CACNA1B: variants seen among roughly 807,000 people sequenced by gnomAD.
CACNA1B encodes the protein calcium voltage-gated channel subunit alpha1 B, also known as voltage-dependent N-type calcium channel subunit alpha-1B.
A neutral mutation model predicts 247.2 loss-of-function variants in CACNA1B; 70 were observed. That is an observed-to-expected ratio of 0.28 (90% confidence interval 0.23 to 0.35). CACNA1B has a LOEUF of 0.35. Among genes scored for constraint, CACNA1B ranks in the 10% least tolerant of loss-of-function variants. CACNA1B has a pLI of 1.00. For missense variants in CACNA1B, 2,367 were observed against 3,197.4 expected (o/e 0.74, Z 6.26); for synonymous variants, 1,231 against 1,294.4 (o/e 0.95, Z 1.05).
intron 31 of CACNA1B, among the ~76,000 whole-genome samples, chr9:138,061,609 T>A (rs1959727189): frequency 6.6e-6 from 1 of 152,226 alleles, no homozygotes; most frequent in Non-Finnish European, 1.5e-5. Context: ...CGCGGTCACC[T>A]GGCTCACATG....
At chr9:138,074,991 A>G (rs573522025) in intron 34 of CACNA1B, among the ~76,000 whole-genome samples, 1 of 152,358 alleles carries the variant, frequency 6.6e-6, no homozygotes, top group African/African-American at 2.4e-5. Flanking sequence ...TAGAAAGAAC[A>G]CATTGTCAGC....
At chr9:138,039,211 TA>T (rs558845760) in intron 20 of CACNA1B, among the ~76,000 whole-genome samples, 1,582 of 142,534 alleles carry the variant, frequency 0.011, 8 homozygotes, top group South Asian at 0.014. Flanking sequence ...AAATAAAAAA[TA>T]AAAAAAAAAA....
chr9:138,116,970 T>A (rs1250964392), intron 42 of CACNA1B, among the ~76,000 whole-genome samples: 1 of 152,172 alleles, frequency 6.6e-6, no homozygotes, highest in South Asian at 2.1e-4. Flanking sequence ...CCTTCTGCCA[T>A]CTCTGCGTCC....
At chr9:138,111,539 A>G (rs1358080050) in intron 39 of CACNA1B, among the ~76,000 whole-genome samples, 1 of 151,852 alleles carries the variant, frequency 6.6e-6, no homozygotes, top group East Asian at 1.9e-4. Flanking sequence ...GGGAGTGATC[A>G]GCTGTTGCAC....
chr9:138,118,980 G>A (rs1961977127), intron 44 of CACNA1B, among the ~76,000 whole-genome samples: 1 of 152,122 alleles, frequency 6.6e-6, no homozygotes, highest in African/African-American at 2.4e-5. Context: ...CAGCCCCTGA[G>A]GCTTCTCCAG....
rs537430112 is a variant in CACNA1B at position 138,014,326 on chromosome 9, G to A, written c.2267+1091G>A. 3.9e-5 allele frequency among the ~76,000 whole-genome samples: 6 copies of A among 152,292 alleles called. No individual in the cohort carries two copies. Among genetic ancestry groups the A allele is most frequent in the African/African-American group, 1.2e-4 (5 of 41,578 alleles). On this transcript the variant is annotated intron_variant, in intron 18 of 46. Coordinates refer to ENST00000371372, the MANE Select transcript of CACNA1B (RefSeq NM_000718.4). This position sits in a 1 kb window ranked among gnomAD's most constrained non-coding sequence, Gnocchi z 6.2. ...CCTGATCCTGCCTGGAGGGCACCAG[G>A]AAGATGGTGTTTGCGGAGGGCCTGT... is the stretch of plus-strand genomic sequence containing the variant.
intron 26 of CACNA1B, among the ~76,000 whole-genome samples, chr9:138,056,837 G>A (rs1959517474): frequency 6.6e-6 from 1 of 151,832 alleles, no homozygotes; most frequent in South Asian, 2.1e-4. Context: ...CCCTGATGAT[G>A]AGTGGTGTTG....
In CACNA1B at chr9:138,072,244, G is replaced by A. The variant is rs550494998; in HGVS notation, c.4675-1244G>A. ...TCCCGCCTGAGAGCCAGTACCTCGAGTTGAATCCTCAGCCACCCTGCCCCT... is the reference window on the plus strand; with the variant it reads ...TCCCGCCTGAGAGCCAGTACCTCGAATTGAATCCTCAGCCACCCTGCCCCT... On this transcript the variant is annotated intron_variant, in intron 32 of 46. Coordinates refer to ENST00000371372, the MANE Select transcript of CACNA1B (RefSeq NM_000718.4). This position sits in a 1 kb window ranked among gnomAD's most constrained non-coding sequence, Gnocchi z 4.5. Among the ~76,000 whole-genome samples the A allele has an allele frequency of 9.2e-5, 14 of 152,326 alleles. No individual in the cohort carries two copies. The highest frequency in any genetic ancestry group is 3.1e-4 in the African/African-American group (13 of 41,576).
At chr9:138,043,629 G>C (rs933820536) in intron 20 of CACNA1B, 145 bp from the exon 21 acceptor site, 2 of 808,352 alleles carry the variant, frequency 2.5e-6, no homozygotes, top group African/African-American at 3.4e-5. Context: ...TGTACGTGAA[G>C]CACTGTTCTT....
In CACNA1B at chr9:138,118,689, G is replaced by T; in HGVS notation, c.5951G>T (p.Gly1984Val). 1.3e-6 allele frequency: 2 copies of T among 1,566,814 alleles called. No individual in the cohort carries two copies. The highest frequency in any genetic ancestry group is 2.3e-5 in the East Asian group (1 of 42,634). ...DVQMQSITRR[G>V]PDGEPQPGLE... ...CAGATGCAGAGCATAACCCGGAGGG[G>T]CCCTGATGGGGAGCCCCAGCCTGGG... The change falls in exon 44 of 47, where the codon GGC becomes GTC. Residue 1984 changes from glycine (G) to valine (V), a missense_variant. By Grantham distance (109) the Gly-to-Val change is moderately radical. Transcript: ENST00000371372.
At chr9:137,998,035 G>T (rs894289228) in intron 15 of CACNA1B, among the ~76,000 whole-genome samples, 2 of 152,128 alleles carry the variant, frequency 1.3e-5, no homozygotes, top group African/African-American at 4.8e-5. Flanking sequence ...TTTATGATAT[G>T]GATGTAGTAA....
chr9:137,934,915 A>C (rs1320140950), intron 6 of CACNA1B, among the ~76,000 whole-genome samples: 1 of 152,162 alleles, frequency 6.6e-6, no homozygotes, highest in Non-Finnish European at 1.5e-5. Context: ...ATGACAAAAC[A>C]AGGTTCCTTA....
At chr9:138,103,878 G>T (rs1167097290) in intron 38 of CACNA1B, among the ~76,000 whole-genome samples, 2 of 152,270 alleles carry the variant, frequency 1.3e-5, no homozygotes, top group East Asian at 3.8e-4. Flanking sequence ...ACCCGACTCA[G>T]TGCAGCCTGT....
chr9:137,878,741 G>C (rs1280953038), intron 1 of CACNA1B, among the ~76,000 whole-genome samples: 1 of 152,146 alleles, frequency 6.6e-6, no homozygotes. Flanking sequence ...GGGGGCGCTC[G>C]GCCCCCTCCC....
intron 6 of CACNA1B, among the ~76,000 whole-genome samples, chr9:137,927,309 G>C (rs1170380125): frequency 1.3e-5 from 2 of 149,814 alleles, no homozygotes; most frequent in Admixed American, 6.7e-5. Context: ...AATGGAACCC[G>C]CCTCCTGGGT....
chr9:137,934,334 C>A (rs1443457287), intron 6 of CACNA1B, among the ~76,000 whole-genome samples: 1 of 152,138 alleles, frequency 6.6e-6, no homozygotes, highest in African/African-American at 2.4e-5. Context: ...ATGGTCCCTT[C>A]CATTTGGGTT....
At chr9:137,933,166 C>T (rs1957627017) in intron 6 of CACNA1B, among the ~76,000 whole-genome samples, 1 of 152,056 alleles carries the variant, frequency 6.6e-6, no homozygotes, top group African/African-American at 2.4e-5. Context: ...ATCTTCTGAC[C>T]TCATGATCTG....
intron 15 of CACNA1B, among the ~76,000 whole-genome samples, chr9:137,997,308 G>A (rs181686906): frequency 6.6e-6 from 1 of 152,138 alleles, no homozygotes; most frequent in Admixed American, 6.5e-5. Flanking sequence ...AGTATCAGGG[G>A]TCTTAGCACA....
At chr9:138,061,811 T>TG (rs1277575034) in intron 31 of CACNA1B, among the ~76,000 whole-genome samples, 2 of 152,226 alleles carry the variant, frequency 1.3e-5, no homozygotes, top group Non-Finnish European at 1.5e-5. Flanking sequence ...TACCACTAGG[T>TG]GGCTGGTTGA....
Sources: gnomAD v4.1 joint callset for allele counts (sites outside exome capture counted in the v4.1 genomes callset) on GRCh38, gnomAD v4.1.1 for gene constraint, Gnocchi (gnomAD v3.1) non-coding constraint, MANE v1.5 for transcripts, NCBI Gene and HGNC (gene_info 2026-07-23, HGNC 2026-07-21) for gene names.